PTK2B: variants seen among roughly 807,000 people sequenced by gnomAD.
PTK2B encodes the protein protein-tyrosine kinase 2-beta.
PTK2B carries 71 observed loss-of-function variants against 142.9 expected under a neutral mutation model. That is an observed-to-expected ratio of 0.50 (90% CI 0.41 to 0.61). The LOEUF (loss-of-function observed/expected upper bound fraction) is 0.61, where lower values mean the gene tolerates loss of function less well. Ranked by LOEUF, PTK2B falls within the 20% of genes least tolerant of loss-of-function variation. The pLI is 0.00. For synonymous variants in PTK2B, 519 were observed against 503.4 expected (o/e 1.03, Z -0.42); for missense variants, 1,105 against 1,320.4 (o/e 0.84, Z 2.53).
At chr8:27,397,845 C>A (rs543899658) in intron 2 of PTK2B, 57 bp downstream of exon 2, 20 of 1,581,988 alleles carry the variant, frequency 1.3e-5, no homozygotes, top group Admixed American at 1.2e-4. Flanking sequence ...TCTTCCTGGG[C>A]AGCTGAGCAG....
chr8:27,365,420 C>T lies in PTK2B; in HGVS notation c.-37-32128C>T, dbSNP rs987805232. Among the ~76,000 whole-genome samples, 3 of 152,170 alleles carry T rather than the reference C, an allele frequency of 2.0e-5. No individual in the cohort carries two copies. The South Asian group carries it at 6.2e-4, about 32-fold the overall frequency. ...ATGACACCTTAATCTTGGCCTCTTT[C>T]TTTGGAAAAAGAAAGAGTTTAGCAA... On this transcript the variant is annotated intron_variant, in intron 1 of 30. Coordinates refer to ENST00000346049, the MANE Select transcript of PTK2B (RefSeq NM_173176.3).
intron 2 of PTK2B, among the ~76,000 whole-genome samples, chr8:27,413,503 A>G (rs1234623321): frequency 6.6e-6 from 1 of 152,130 alleles, no homozygotes; most frequent in African/African-American, 2.4e-5. Context: ...CTTTTGTTCT[A>G]TAGGTCCCTG....
At chr8:27,388,788 C>G (rs62502401) in intron 1 of PTK2B, among the ~76,000 whole-genome samples, 1,743 of 152,348 alleles carry the variant, frequency 0.011, 95 homozygotes, top group Admixed American at 0.087. Context: ...CACACACACA[C>G]CAGGCACTTA....
chr8:27,342,355 T>C (rs1414250355), intron 1 of PTK2B, among the ~76,000 whole-genome samples: 1 of 151,920 alleles, frequency 6.6e-6, no homozygotes, highest in East Asian at 1.9e-4. Flanking sequence ...AGTGTAATTA[T>C]AGCTCACTTC....
rs199752331 is a variant in PTK2B at position 27,437,413 on chromosome 8, G to C, written c.1444G>C (p.Asp482His). Residue 482 changes from aspartate (D) to histidine (H), a missense_variant, in exon 17 of 31, where the codon GAC (aspartate) becomes CAC (histidine). Physicochemically the swap from Asp to His is moderately conservative, Grantham distance 81 (BLOSUM62 -1). Transcript: ENST00000346049. The stretch of plus-strand genomic sequence containing the variant: ...CACTGCAGTGATCATGAAGAACCTC[G>C]ACCACCCGCACATCGTGAAGCTGAT... ...MSEAVIMKNL[D>H]HPHIVKLIGI... 4 of 1,612,528 alleles carry C rather than the reference G, an allele frequency of 2.5e-6. No homozygotes were observed. The highest frequency in any genetic ancestry group is 3.4e-6 in the Non-Finnish European group (4 of 1,179,310).
Position 27,434,221 on chromosome 8 carries a change from A to C in PTK2B, c.1145+89A>C. On this transcript the variant is annotated intron_variant, in intron 12 of 30. Coordinates refer to ENST00000346049, the MANE Select transcript of PTK2B (RefSeq NM_173176.3). ...GAATAAACTGGGAGTCCCCACCTCC[A>C]TAGTTTCTGGCTTTCAGGCCCAGGA... 8 of 1,495,350 alleles carry C rather than the reference A, an allele frequency of 5.3e-6. No homozygotes were observed. The South Asian group carries it at 8.3e-5, about 16-fold the overall frequency. The allele number at this position is 1,495,350 out of a possible 1,614,324, so 92.6% of individuals were successfully genotyped here.
At chr8:27,353,135 G>A (rs936599784) in intron 1 of PTK2B, among the ~76,000 whole-genome samples, 2 of 152,160 alleles carry the variant, frequency 1.3e-5, no homozygotes, top group Non-Finnish European at 2.9e-5. Context: ...GGGATTAATT[G>A]CAAAAATATT....
At chr8:27,416,089 TA>T (rs933486927) in intron 2 of PTK2B, among the ~76,000 whole-genome samples, 8 of 151,226 alleles carry the variant, frequency 5.3e-5, no homozygotes, top group South Asian at 2.1e-4. Context: ...ATTTAAACAT[TA>T]AAAAAAAATG....
rs775157680 is a variant in PTK2B, at chr8:27,435,769, G to C, written c.1219G>C (p.Asp407His). ...GTCAGACATCTACGCAGAGATTCCC[G>C]ACGAAACCCTGCGAAGGCCCGGAGG... ...IESDIYAEIP[D>H]ETLRRPGGPQ... is the part of the protein sequence containing the mutation. The change falls in exon 14 of 31, where the codon GAC becomes CAC. Residue 407 changes from aspartate (D) to histidine (H), a missense_variant. By Grantham distance (81) the Asp-to-His change is moderately conservative. Transcript: ENST00000346049. The C allele has an allele frequency of 1.2e-6, 2 of 1,614,106 alleles. No individual in the cohort carries two copies. Among genetic ancestry groups the C allele is most frequent in the Non-Finnish European group, 1.7e-6 (2 of 1,180,040 alleles).
At chr8:27,311,329 GC>G, upstream of PTK2B, 1 of 1,371,964 alleles carries the variant, frequency 7.3e-7, no homozygotes, top group Non-Finnish European at 9.6e-7. Flanking sequence ...GCTGGGAATC[GC>G]CCAGTCCCTT....
chr8:27,443,338 A>G (rs1343450833), intron 22 of PTK2B, among the ~76,000 whole-genome samples: 1 of 152,214 alleles, frequency 6.6e-6, no homozygotes, highest in African/African-American at 2.4e-5. Context: ...TATACCCCGC[A>G]TGGCCACCCT....
chr8:27,386,019 C>CA (rs1807331399), intron 1 of PTK2B, among the ~76,000 whole-genome samples: 1 of 151,510 alleles, frequency 6.6e-6, no homozygotes, highest in Non-Finnish European at 1.5e-5. Context: ...ACCAAAATAA[C>CA]AATATTATAA....
chr8:27,320,389 G>A (rs972819123), intron 3 of PTK2B, among the ~76,000 whole-genome samples: 1 of 152,022 alleles, frequency 6.6e-6, no homozygotes, highest in African/African-American at 2.4e-5. Context: ...GATCCCACAG[G>A]CTAAGGGCTC....
At chr8:27,405,675 A>G (rs934123739) in intron 2 of PTK2B, among the ~76,000 whole-genome samples, 1 of 152,204 alleles carries the variant, frequency 6.6e-6, no homozygotes, top group African/African-American at 2.4e-5. Flanking sequence ...GTAGACACGC[A>G]GGTTCCGGGC....
At chr8:27,408,595 C>G (rs532338717) in intron 2 of PTK2B, among the ~76,000 whole-genome samples, 1 of 152,210 alleles carries the variant, frequency 6.6e-6, no homozygotes, top group South Asian at 2.1e-4. Context: ...ATCAATCTGC[C>G]TCATTTCAGT....
chr8:27,350,423 C>T (rs188852906), intron 1 of PTK2B, among the ~76,000 whole-genome samples: 1 of 152,262 alleles, frequency 6.6e-6, no homozygotes, highest in East Asian at 1.9e-4. Flanking sequence ...AGCATCTCAG[C>T]AGATAAGATA....
chr8:27,339,929 C>T (rs1020516822), intron 1 of PTK2B, among the ~76,000 whole-genome samples: 5 of 152,368 alleles, frequency 3.3e-5, no homozygotes, highest in South Asian at 2.1e-4. Flanking sequence ...CTAGTCCTTT[C>T]TTCTGTGCCT....
chr8:27,368,180 A>G (rs1334743388), intron 1 of PTK2B, among the ~76,000 whole-genome samples: 1 of 152,118 alleles, frequency 6.6e-6, no homozygotes, highest in African/African-American at 2.4e-5. Flanking sequence ...CTCCTGTTAG[A>G]GCTGATGCTT....
At chr8:27,318,090 A>T in intron 3 of PTK2B, among the ~76,000 whole-genome samples, 1 of 152,208 alleles carries the variant, frequency 6.6e-6, no homozygotes, top group East Asian at 1.9e-4. Flanking sequence ...CTGGCTAATA[A>T]AGTAATAGGA....
Sources: allele counts gnomAD v4.1 joint callset (sites outside exome capture counted in the v4.1 genomes callset), GRCh38; gene constraint gnomAD v4.1.1; transcripts MANE v1.5; gene names NCBI Gene and HGNC (gene_info 2026-07-23, HGNC 2026-07-21).